The following SLC7A8 variants were observed in gnomAD, a reference collection of about 807,000 sequenced individuals.
SLC7A8 encodes solute carrier family 7 member 8, also known as large neutral amino acids transporter small subunit 2.
In SLC7A8, 30 loss-of-function variants were observed where a neutral mutation model predicts 51.2. The ratio of observed to expected loss-of-function variants is 0.59; its 90% CI spans 0.44 to 0.80. The LOEUF is 0.80. Ranked by LOEUF, SLC7A8 falls within the 30% of genes least tolerant of loss-of-function variation. SLC7A8 has a pLI of 0.00. For synonymous variants in SLC7A8, 257 were observed against 275.8 expected (o/e 0.93, Z 0.67); for missense variants, 612 against 674.4 (o/e 0.91, Z 1.03).
chr14:23,138,278 G>A, intron 6 of SLC7A8: 1 of 441,778 alleles, frequency 2.3e-6, no homozygotes, highest in Non-Finnish European at 4.1e-6. Context: ...TACTAATCTT[G>A]TTTTATGGGT....
At chr14:23,139,183 G>A (rs373280236) in intron 6 of SLC7A8, among the ~76,000 whole-genome samples, 24 of 152,228 alleles carry the variant, frequency 1.6e-4, no homozygotes, top group African/African-American at 4.8e-4. Context: ...CAGGCCACGC[G>A]GTCTCTGTGG....
Position 23,128,434 on chromosome 14 carries a change from A to ACGAT in SLC7A8, c.1264-242_1264-239dup. 1 of 1,397,102 alleles carries ACGAT rather than the reference A, an allele frequency of 7.2e-7. No individual in the cohort carries two copies. Among genetic ancestry groups the ACGAT allele is most frequent in the Non-Finnish European group, 9.7e-7 (1 of 1,033,268 alleles). 86.5% of individuals were successfully genotyped at this position (1,397,102 alleles called of 1,614,324 possible). A position where few individuals can be genotyped will look rare whatever the true frequency, so the allele number is the denominator to read the frequency against. On this transcript the variant is annotated intron_variant, in intron 9 of 10. Coordinates refer to ENST00000316902, the MANE Select transcript of SLC7A8 (RefSeq NM_012244.4). This position sits in a 1 kb window ranked among gnomAD's most constrained non-coding sequence, Gnocchi z 4.3. Reference sequence around the variant, plus strand: ...AGGATGGGGAGGAGTTAGGGAGGAAACGATCCTCCTTGCCCATGTCCTCGC... The same window carrying ACGAT: ...AGGATGGGGAGGAGTTAGGGAGGAAACGATCGATCCTCCTTGCCCATGTCCTCGC...
At position 23,173,237 on chromosome 14, in the gene SLC7A8, C is replaced by T. The variant is rs148205193; in HGVS notation, c.152-6697G>A. Among the ~76,000 whole-genome samples, 499 of 152,226 alleles carry T rather than the reference C, an allele frequency of 3.3e-3. 1 individual carries two copies. Among genetic ancestry groups the T allele is most frequent in the Non-Finnish European group, 4.6e-3 (316 of 68,022 alleles). On this transcript the variant is annotated intron_variant, in intron 1 of 10. Coordinates refer to ENST00000316902, the MANE Select transcript of SLC7A8 (RefSeq NM_012244.4). ...CACAGACACAGAACTGATACCACCA[C>T]GCAGAGCAGAAGCTGCATGAGGGCT...
chr14:23,136,078 TGGGAGTTCAGA>T (rs933000538), intron 7 of SLC7A8, among the ~76,000 whole-genome samples: 9 of 151,802 alleles, frequency 5.9e-5, no homozygotes, highest in Non-Finnish European at 1.0e-4. Flanking sequence ...TTCAGCACAC[TGGGAGTTCAGA>T]GGAGAATAGT....
In SLC7A8 at chr14:23,167,587, T is replaced by G. The variant is rs150398967; in HGVS notation, c.152-1047A>C. Reference sequence around the variant, plus strand: ...GTGTTACGCAGACGAGGAGTAAGAGTGTGGAGGCCGTTCCTGACATGCTTC... The same window carrying G: ...GTGTTACGCAGACGAGGAGTAAGAGGGTGGAGGCCGTTCCTGACATGCTTC... On this transcript the variant is annotated intron_variant, in intron 1 of 10. Transcript: ENST00000316902. Among the ~76,000 whole-genome samples, 248 of 151,694 alleles carry G rather than the reference T, an allele frequency of 1.6e-3. 2 individuals are homozygous for G. Among genetic ancestry groups the G allele is most frequent in the East Asian group, 0.015 (77 of 5,144 alleles).
intron 1 of SLC7A8, among the ~76,000 whole-genome samples, chr14:23,175,077 CT>C (rs1351599006): frequency 6.6e-6 from 1 of 152,210 alleles, no homozygotes; most frequent in Non-Finnish European, 1.5e-5. Context: ...CCTCAGTAGC[CT>C]GGCAACTTGA....
chr14:23,179,534 G>A (rs988400722), intron 1 of SLC7A8, among the ~76,000 whole-genome samples: 10 of 152,064 alleles, frequency 6.6e-5, no homozygotes, highest in South Asian at 2.1e-4. Context: ...TGGGGGCCGG[G>A]CACGGTGGCT....
chr14:23,154,571 C>T, intron 3 of SLC7A8: 4 of 739,096 alleles, frequency 5.4e-6, no homozygotes, highest in Non-Finnish European at 6.6e-6. Context: ...CAACCGCAGG[C>T]GTTTCCAGAT....
In SLC7A8 at chr14:23,182,854, A is replaced by G. The variant is rs768396025; in HGVS notation, c.61T>C (p.Ser21Pro). The G allele has an allele frequency of 1.2e-6, 2 of 1,613,482 alleles. No individual in the cohort carries two copies. The highest frequency in any genetic ancestry group is 1.1e-5 in the South Asian group (1 of 91,030). Residue 21 changes from serine to proline, a missense_variant, in exon 1 of 11, where the codon TCG becomes CCG. Transcript: ENST00000316902. ...TEKKHPGGGE[S>P]DASPEAGSGG... is the part of the protein sequence containing the mutation. ...GAACCAGCCTCGGGGCTGGCGTCCGACTCGCCCCCACCTGGGTGTTTCTTT... is the reference window on the plus strand; with the variant it reads ...GAACCAGCCTCGGGGCTGGCGTCCGGCTCGCCCCCACCTGGGTGTTTCTTT...
At chr14:23,154,428 T>A (rs968608884) in intron 3 of SLC7A8, 7 of 990,548 alleles carry the variant, frequency 7.1e-6, no homozygotes, top group Non-Finnish European at 8.4e-6. Context: ...AAGCCGGGCC[T>A]GTGGGGGCGT....
At chr14:23,180,983 C>T (rs963058952) in intron 1 of SLC7A8, among the ~76,000 whole-genome samples, 4 of 151,906 alleles carry the variant, frequency 2.6e-5, no homozygotes, top group African/African-American at 7.3e-5. Flanking sequence ...GCCGAGATCG[C>T]GCCACTGCAC....
intron 1 of SLC7A8, among the ~76,000 whole-genome samples, chr14:23,173,815 A>G (rs2048986706): frequency 6.6e-6 from 1 of 150,836 alleles, no homozygotes. Context: ...TAATTTTTAA[A>G]TATTTTGTAG....
intron 1 of SLC7A8, among the ~76,000 whole-genome samples, chr14:23,175,012 G>A (rs1016925727): frequency 6.6e-6 from 1 of 152,142 alleles, no homozygotes; most frequent in African/African-American, 2.4e-5. Flanking sequence ...ACATTCCTGA[G>A]GCATTTCTTT....
intron 3 of SLC7A8, among the ~76,000 whole-genome samples, chr14:23,153,307 T>G (rs2048863475): frequency 6.6e-6 from 1 of 152,208 alleles, no homozygotes; most frequent in African/African-American, 2.4e-5. Flanking sequence ...TGAGTGAATT[T>G]AGACCCCAGC....
chr14:23,143,377 G>A (rs927041), intron 3 of SLC7A8, among the ~76,000 whole-genome samples, 173 bp from the exon 4 acceptor site: 30,326 of 152,258 alleles, frequency 0.2, 3,197 homozygotes, highest in South Asian at 0.31. Context: ...TTAATGGGTT[G>A]CAAATGGGGA....
At chr14:23,172,577 C>T (rs2140338887) in intron 1 of SLC7A8, among the ~76,000 whole-genome samples, 1 of 152,298 alleles carries the variant, frequency 6.6e-6, no homozygotes, top group East Asian at 1.9e-4. Flanking sequence ...ATCTTGCCTC[C>T]AGCATTCCCG....
intron 3 of SLC7A8, among the ~76,000 whole-genome samples, chr14:23,157,447 G>A (rs138897467): frequency 1.3e-5 from 2 of 152,266 alleles, no homozygotes; most frequent in East Asian, 3.9e-4. Context: ...ATACAGATAT[G>A]ATCATGTCGG....
chr14:23,143,235 AG>A, intron 3 of SLC7A8, 31 bp from the exon 4 acceptor site: 1 of 1,612,626 alleles, frequency 6.2e-7, no homozygotes, highest in Non-Finnish European at 8.5e-7. Flanking sequence ...ACAGACCTTC[AG>A]GGGCTGTATC....
At chr14:23,173,460 C>T (rs543495611) in intron 1 of SLC7A8, among the ~76,000 whole-genome samples, 1 of 152,174 alleles carries the variant, frequency 6.6e-6, no homozygotes, top group African/African-American at 2.4e-5. Context: ...AGTCTTCTTA[C>T]TGGATCAGTC....
Sources: gnomAD v4.1 joint callset for allele counts (sites outside exome capture counted in the v4.1 genomes callset) on GRCh38, gnomAD v4.1.1 for gene constraint, Gnocchi (gnomAD v3.1) non-coding constraint, MANE v1.5 for transcripts, NCBI Gene and HGNC (gene_info 2026-07-23, HGNC 2026-07-21) for gene names.